The following ADAMTS19 variants were observed in gnomAD, a reference collection of about 807,000 sequenced individuals.
ADAMTS19 encodes A disintegrin and metalloproteinase with thrombospondin motifs 19.
ADAMTS19 carries 93 observed loss-of-function variants against 153.3 expected under a neutral mutation model. The ratio of observed to expected loss-of-function variants is 0.61; its 90% CI spans 0.51 to 0.72. The LOEUF (loss-of-function observed/expected upper bound fraction) is 0.72. Ranked by LOEUF, ADAMTS19 falls within the 30% of genes least tolerant of loss-of-function variation. ADAMTS19 has a pLI of 0.00. For missense variants in ADAMTS19, 1,482 were observed against 1,552.1 expected (o/e 0.95, Z 0.76); for synonymous variants, 600 against 556.6 (o/e 1.08, Z -1.10).
intron 10 of ADAMTS19, among the ~76,000 whole-genome samples, chr5:129,624,153 A>AAG (rs1169759566): frequency 2.7e-5 from 4 of 146,600 alleles, no homozygotes; most frequent in African/African-American, 1.0e-4. Flanking sequence ...AAAAAAAAAA[A>AAG]GGCTGTACGG....
intron 11 of ADAMTS19, among the ~76,000 whole-genome samples, chr5:129,643,387 G>A (rs199903977): frequency 4.7e-3 from 532 of 113,742 alleles, no homozygotes; most frequent in Middle Eastern, 0.026. Context: ...AAAAAAAAAA[G>A]AAAAAAAAAA....
chr5:129,483,901 TG>T (rs1273522713), intron 2 of ADAMTS19, among the ~76,000 whole-genome samples: 2 of 152,052 alleles, frequency 1.3e-5, no homozygotes, highest in Non-Finnish European at 2.9e-5. Flanking sequence ...TGTCTTTGAA[TG>T]GGGGGTGGGG....
chr5:129,526,493 A>G (rs1165493352), intron 4 of ADAMTS19, 37 bp downstream of exon 4: 2 of 1,557,572 alleles, frequency 1.3e-6, no homozygotes, highest in Non-Finnish European at 1.7e-6. Context: ...AATTTTTTCA[A>G]GAAAACTCTA....
At chr5:129,550,048 ATCTGT>A in intron 6 of ADAMTS19, among the ~76,000 whole-genome samples, 1 of 66,886 alleles carries the variant, frequency 1.5e-5, no homozygotes, top group Non-Finnish European at 3.2e-5. Context: ...ATATACATGT[ATCTGT>A]ATATGTATGT....
chr5:129,629,021 G>A (rs752341245), intron 10 of ADAMTS19, among the ~76,000 whole-genome samples: 1 of 151,956 alleles, frequency 6.6e-6, no homozygotes, highest in Non-Finnish European at 1.5e-5. Context: ...CCTTCAATTG[G>A]CTCTATGTGG....
chr5:129,682,785 T>G (rs1754881739), intron 17 of ADAMTS19, among the ~76,000 whole-genome samples: 1 of 152,134 alleles, frequency 6.6e-6, no homozygotes, highest in Non-Finnish European at 1.5e-5. Context: ...GAACTTAAAA[T>G]TATTGTTTTT....
At chr5:129,533,461 G>T (rs1441829718) in intron 6 of ADAMTS19, among the ~76,000 whole-genome samples, 1 of 151,986 alleles carries the variant, frequency 6.6e-6, no homozygotes, top group South Asian at 2.1e-4. Context: ...ATCTTTTATT[G>T]CGTCTATTTG....
intron 6 of ADAMTS19, among the ~76,000 whole-genome samples, chr5:129,544,627 G>T (rs1752789025): frequency 6.6e-6 from 1 of 152,110 alleles, no homozygotes; most frequent in Non-Finnish European, 1.5e-5. Flanking sequence ...GCAAGTTCTG[G>T]CAACAAGTTT....
chr5:129,596,003 G>T (rs1750357701), intron 7 of ADAMTS19, among the ~76,000 whole-genome samples: 2 of 151,744 alleles, frequency 1.3e-5, no homozygotes, highest in South Asian at 4.2e-4. Flanking sequence ...ATTTAGCCAA[G>T]AAATTTTCAA....
chr5:129,715,100 C>T (rs535160224), intron 21 of ADAMTS19, among the ~76,000 whole-genome samples: 4 of 152,114 alleles, frequency 2.6e-5, no homozygotes, highest in Non-Finnish European at 2.9e-5. Flanking sequence ...TAATCATATA[C>T]ATATTAAAAT....
rs142631700 is a variant in ADAMTS19 at position 129,673,999 on chromosome 5, G to A, written c.2507-5765G>A. On this transcript the variant is annotated intron_variant, in intron 16 of 22. Transcript: ENST00000274487. The stretch of plus-strand genomic sequence containing the variant: ...TAATGCCAGCACTTTGGGAGGCTGA[G>A]GTGGGCGGATCACCTGAGGTCAGGA... 2.4e-3 allele frequency among the ~76,000 whole-genome samples: 365 copies of A among 152,240 alleles called. 1 individual carries two copies. The highest frequency in any genetic ancestry group is 8.5e-3 in the African/African-American group (354 of 41,544).
chr5:129,737,179 C>A lies in ADAMTS19; in HGVS notation c.3603C>A (p.Cys1201Ter). The change falls in exon 23 of 23, where the codon TGC becomes TGA. Residue 1201 changes from cysteine to a stop codon, truncating the protein, a stop_gained. Transcript: ENST00000274487. LOFTEE classifies it high-confidence loss of function. ...MRWYQRCCET[C>*]RDFYAQKLQQ... ...GGTATCAGCGCTGCTGTGAAACATG[C>A]AGGGACTTCTATGCCCAAAAGCTGC... 6.2e-7 allele frequency: 1 copy of A among 1,609,024 alleles called. No homozygotes were observed. Among genetic ancestry groups the A allele is most frequent in the Non-Finnish European group, 8.5e-7 (1 of 1,176,780 alleles).
chr5:129,640,935 G>C (rs1581175208), intron 10 of ADAMTS19, among the ~76,000 whole-genome samples: 1 of 151,636 alleles, frequency 6.6e-6, no homozygotes, highest in African/African-American at 2.4e-5. Flanking sequence ...AGCAATTCTC[G>C]TGCCTCAGCC....
At chr5:129,603,146 A>C (rs1252036397) in intron 8 of ADAMTS19, among the ~76,000 whole-genome samples, 2 of 152,130 alleles carry the variant, frequency 1.3e-5, no homozygotes, top group Non-Finnish European at 2.9e-5. Context: ...TAATAAAAAG[A>C]GTTCATCAAA....
chr5:129,724,665 T>C (rs1757132328), intron 21 of ADAMTS19, among the ~76,000 whole-genome samples: 1 of 152,202 alleles, frequency 6.6e-6, no homozygotes, highest in African/African-American at 2.4e-5. Context: ...AGAATAACTC[T>C]CTTTCGTAGA....
intron 12 of ADAMTS19, 55 bp downstream of exon 12, chr5:129,647,950 G>C (rs967327327): frequency 5.8e-6 from 9 of 1,559,020 alleles, no homozygotes; most frequent in Non-Finnish European, 7.9e-6. Context: ...GGAATGCAAA[G>C]GTTTTACTGA....
chr5:129,697,269 C>G (rs1266340246), intron 19 of ADAMTS19, among the ~76,000 whole-genome samples: 1 of 152,114 alleles, frequency 6.6e-6, no homozygotes, highest in Non-Finnish European at 1.5e-5. Context: ...TGTCTACCCA[C>G]CCTCCTTTCA....
At chr5:129,571,301 C>T (rs1369494263) in intron 7 of ADAMTS19, among the ~76,000 whole-genome samples, 2 of 151,430 alleles carry the variant, frequency 1.3e-5, no homozygotes, top group Non-Finnish European at 3.0e-5. Context: ...TAAATATGTA[C>T]ATGTATATGT....
At chr5:129,720,018 A>G (rs908363970) in intron 21 of ADAMTS19, among the ~76,000 whole-genome samples, 4 of 152,074 alleles carry the variant, frequency 2.6e-5, no homozygotes, top group African/African-American at 7.2e-5. Context: ...AGCCTGGGCA[A>G]CAGACGGAGA....
Sources: allele counts gnomAD v4.1 joint callset (sites outside exome capture counted in the v4.1 genomes callset), GRCh38; gene constraint gnomAD v4.1.1; transcripts MANE v1.5; gene names NCBI Gene and HGNC (gene_info 2026-07-23, HGNC 2026-07-21).